SGCZ: variants seen among roughly 807,000 people sequenced by gnomAD.
SGCZ encodes zeta-sarcoglycan.
SGCZ carries 40 observed loss-of-function variants against 41.3 expected under a neutral mutation model. The ratio of observed to expected loss-of-function variants is 0.97; its 90% CI spans 0.75 to 1.26. SGCZ has a LOEUF of 1.26. Among genes scored for constraint, SGCZ ranks in the 50% most tolerant of loss-of-function variants. The probability of loss-of-function intolerance (pLI) is 0.00; values close to 1 mark genes in which losing one functional copy is unlikely to be tolerated. For missense variants in SGCZ, 552 were observed against 369.8 expected (o/e 1.49, Z -4.04); for synonymous variants, 206 against 137.5 (o/e 1.50, Z -3.49).
At chr8:14,784,913 A>AAAAAAAAAATATAT (rs1408574493) in intron 1 of SGCZ, among the ~76,000 whole-genome samples, 6 of 88,016 alleles carry the variant, frequency 6.8e-5, no homozygotes, top group African/African-American at 2.8e-4. Context: ...AAAAAAAAAA[A>AAAAAAAAAATATAT]ATATATATAT....
chr8:14,787,172 AC>A (rs1208199277), intron 1 of SGCZ, among the ~76,000 whole-genome samples: 1 of 152,148 alleles, frequency 6.6e-6, no homozygotes, highest in Non-Finnish European at 1.5e-5. Context: ...GAAATCCAAG[AC>A]TTAAAATCCC....
chr8:14,343,312 C>T (rs755589362), intron 2 of SGCZ, among the ~76,000 whole-genome samples: 1 of 152,142 alleles, frequency 6.6e-6, no homozygotes, highest in Non-Finnish European at 1.5e-5. Context: ...GGCCACCATC[C>T]TCCAGACCCA....
intron 1 of SGCZ, among the ~76,000 whole-genome samples, chr8:14,990,378 T>C (rs898880547): frequency 2.3e-5 from 3 of 132,242 alleles, no homozygotes; most frequent in Non-Finnish European, 3.5e-5. Context: ...GCATAGGAGC[T>C]GAGTGGCAAG....
At chr8:15,025,654 C>G (rs150550237) in intron 1 of SGCZ, among the ~76,000 whole-genome samples, 1 of 152,152 alleles carries the variant, frequency 6.6e-6, no homozygotes, top group African/African-American at 2.4e-5. Flanking sequence ...GTAGGACTTA[C>G]ATCCAAGAAA....
intron 1 of SGCZ, among the ~76,000 whole-genome samples, chr8:14,720,538 C>T (rs192751925): frequency 5.9e-5 from 9 of 151,930 alleles, no homozygotes; most frequent in Admixed American, 2.0e-4. Flanking sequence ...TTCCTAGGTT[C>T]ACTCTGTATC....
At chr8:14,336,831 A>T (rs749001393) in intron 2 of SGCZ, among the ~76,000 whole-genome samples, 3 of 152,032 alleles carry the variant, frequency 2.0e-5, no homozygotes, top group Non-Finnish European at 4.4e-5. Flanking sequence ...TGTGCTCCTT[A>T]CCTCAAAGAA....
At position 14,479,731 on chromosome 8, in the gene SGCZ, C is replaced by CTTTTTTTTTTTTTTTT. The variant is rs529812029; in HGVS notation, c.234+74985_234+75000dup. On this transcript the variant is annotated intron_variant, in intron 2 of 7. Coordinates refer to ENST00000382080, the MANE Select transcript of SGCZ (RefSeq NM_139167.4). ...GTCGCATACCTCCAGAATTCTACTT[C>CTTTTTTTTTTTTTTTT]TTTTTTTTTTTTTTTTTTTTTTTTT... 1.4e-3 allele frequency among the ~76,000 whole-genome samples: 74 copies of CTTTTTTTTTTTTTTTT among 52,950 alleles called. 9 individuals carry two copies. Among genetic ancestry groups the CTTTTTTTTTTTTTTTT allele is most frequent in the African/African-American group, 3.3e-3 (65 of 19,778 alleles). The allele number at this position is 52,950 out of a possible 152,430, so 34.7% of individuals were successfully genotyped here. A position where few individuals can be genotyped will look rare whatever the true frequency, so the allele number is the denominator to read the frequency against.
chr8:14,946,423 A>G (rs1462132861), intron 1 of SGCZ, among the ~76,000 whole-genome samples: 1 of 151,986 alleles, frequency 6.6e-6, no homozygotes, highest in African/African-American at 2.4e-5. Flanking sequence ...CCTGTAGCCA[A>G]TAGCAGCAGG....
At position 14,102,443 on chromosome 8, in the gene SGCZ, C is replaced by G. The variant is rs746163558; in HGVS notation, c.677G>C (p.Ser226Thr). The change falls in exon 7 of 8, where the codon AGT becomes ACT. Residue 226 changes from serine (S) to threonine (T), a missense_variant. Ser to Thr is a moderately conservative substitution (Grantham distance 58). Coordinates refer to ENST00000382080, the MANE Select transcript of SGCZ (RefSeq NM_139167.4). ...GGCCTTGAAGTCTCCTGCAGCAGCACTCACCTGGACCCCACGGGGAGCTTC... is the reference window on the plus strand; with the variant it reads ...GGCCTTGAAGTCTCCTGCAGCAGCAGTCACCTGGACCCCACGGGGAGCTTC... Reference protein sequence around the residue: ...IMEAPRGVQVSAAAGDFKATC... With the variant: ...IMEAPRGVQVTAAAGDFKATC... 2.6e-6 allele frequency: 4 copies of G among 1,525,384 alleles called. No individual in the cohort carries two copies. Among genetic ancestry groups the G allele is most frequent in the Non-Finnish European group, 3.6e-6 (4 of 1,123,744 alleles). 94.5% of individuals were successfully genotyped at this position (1,525,384 alleles called of 1,614,324 possible). A position where few individuals can be genotyped will look rare whatever the true frequency, so the allele number is the denominator to read the frequency against.
intron 3 of SGCZ, among the ~76,000 whole-genome samples, chr8:14,293,926 T>G (rs1800927754): frequency 6.6e-6 from 1 of 151,778 alleles, no homozygotes; most frequent in African/African-American, 2.4e-5. Context: ...TTTCATCAAT[T>G]TTAGTGGTAT....
rs184041279 is a variant in SGCZ, at chr8:15,180,022, T to C, written c.39+57563A>G. Among the ~76,000 whole-genome samples, 19 of 152,336 alleles carry C rather than the reference T, an allele frequency of 1.2e-4. No individual in the cohort carries two copies. In the East Asian group the frequency reaches 2.5e-3, roughly 20 times the overall value. Reference sequence around the variant, plus strand: ...AGGCTGACTATTATATGCACATTTTTACTATGTGTTATAAAAAAAATTAAA... The same window carrying C: ...AGGCTGACTATTATATGCACATTTTCACTATGTGTTATAAAAAAAATTAAA... On this transcript the variant is annotated intron_variant, in intron 1 of 7. Transcript: ENST00000382080.
chr8:14,718,671 C>A, intron 1 of SGCZ, among the ~76,000 whole-genome samples: 1 of 151,606 alleles, frequency 6.6e-6, no homozygotes, highest in Non-Finnish European at 1.5e-5. Context: ...AAAAAACTGT[C>A]CTACTGAAGA....
chr8:15,107,301 A>C (rs2131092690), intron 1 of SGCZ, among the ~76,000 whole-genome samples: 1 of 152,316 alleles, frequency 6.6e-6, no homozygotes, highest in South Asian at 2.1e-4. Flanking sequence ...GTATTCACCA[A>C]AACTTATGTT....
At chr8:14,386,034 T>C (rs1804562461) in intron 2 of SGCZ, among the ~76,000 whole-genome samples, 1 of 152,182 alleles carries the variant, frequency 6.6e-6, no homozygotes, top group Non-Finnish European at 1.5e-5. Flanking sequence ...TATTATTCTT[T>C]ATTGTTTATT....
intron 1 of SGCZ, among the ~76,000 whole-genome samples, chr8:15,040,495 T>C (rs1287678798): frequency 6.6e-6 from 1 of 152,036 alleles, no homozygotes; most frequent in African/African-American, 2.4e-5. Flanking sequence ...CAGGCATCTG[T>C]AATCCCAGCT....
At chr8:14,462,953 A>C (rs1479907192) in intron 2 of SGCZ, among the ~76,000 whole-genome samples, 6 of 151,654 alleles carry the variant, frequency 4.0e-5, no homozygotes, top group Non-Finnish European at 8.9e-5. Flanking sequence ...ATGCTATTGT[A>C]AACTTAATTG....
At chr8:14,420,000 G>C (rs1799596991) in intron 2 of SGCZ, among the ~76,000 whole-genome samples, 1 of 152,022 alleles carries the variant, frequency 6.6e-6, no homozygotes, top group African/African-American at 2.4e-5. Context: ...GTGATTTGTT[G>C]AAAGTATATT....
chr8:15,163,093 T>G (rs541880896), intron 1 of SGCZ, among the ~76,000 whole-genome samples: 4 of 152,370 alleles, frequency 2.6e-5, no homozygotes, highest in African/African-American at 9.6e-5. Flanking sequence ...ACTGGACGCC[T>G]TTGTTATACA....
intron 1 of SGCZ, among the ~76,000 whole-genome samples, chr8:14,592,220 A>G (rs1357303183): frequency 6.6e-6 from 1 of 152,126 alleles, no homozygotes; most frequent in Non-Finnish European, 1.5e-5. Flanking sequence ...TCCTAGTTTT[A>G]AAATGAGGGG....
Sources: gnomAD v4.1 joint callset for allele counts (sites outside exome capture counted in the v4.1 genomes callset) on GRCh38, gnomAD v4.1.1 for gene constraint, MANE v1.5 for transcripts, NCBI Gene and HGNC (gene_info 2026-07-23, HGNC 2026-07-21) for gene names.